JMY: variants seen among roughly 807,000 people sequenced by gnomAD.
JMY encodes the protein junction-mediating and -regulatory protein.
JMY carries 46 observed loss-of-function variants against 103.3 expected under a neutral mutation model. That is an observed-to-expected ratio of 0.45 (90% CI 0.35 to 0.57). The LOEUF (loss-of-function observed/expected upper bound fraction) is 0.57. JMY is among the 20% of genes least tolerant of loss of function. The probability of loss-of-function intolerance (pLI) is 0.00; values close to 1 mark genes in which losing one functional copy is unlikely to be tolerated. For missense variants in JMY, 1,238 were observed against 1,255.2 expected (o/e 0.99, Z 0.21); for synonymous variants, 526 against 489.3 (o/e 1.07, Z -0.99).
chr5:79,245,081 T>C (rs1394176619), intron 1 of JMY, among the ~76,000 whole-genome samples: 6 of 152,164 alleles, frequency 3.9e-5, no homozygotes, highest in Admixed American at 3.9e-4. Flanking sequence ...TAGTAGACTC[T>C]TTTTCAGACT....
At chr5:79,278,124 A>G (rs200547081) in intron 2 of JMY, 41 bp downstream of exon 2, 13 of 1,515,428 alleles carry the variant, frequency 8.6e-6, no homozygotes, top group Admixed American at 3.5e-5. Flanking sequence ...TGCCTGTTTC[A>G]TAGTTCTCAG....
Position 79,324,849 on chromosome 5 carries a change from C to T in JMY, c.*3247C>T, listed in dbSNP as rs1395655717. 1 of 152,622 alleles carries T rather than the reference C, an allele frequency of 6.6e-6. No homozygotes were observed. Among genetic ancestry groups the T allele is most frequent in the Non-Finnish European group, 1.5e-5 (1 of 68,026 alleles). 9.5% of individuals were successfully genotyped at this position (152,622 alleles called of 1,614,324 possible). On this transcript the variant is annotated 3_prime_UTR_variant, in exon 11 of 11. Transcript: ENST00000396137. ...GGGAATAGAAATGTAGAGCTTTTCTCATAACACAAAACCAGAAAATAATTT... is the reference window on the plus strand; with the variant it reads ...GGGAATAGAAATGTAGAGCTTTTCTTATAACACAAAACCAGAAAATAATTT...
intron 1 of JMY, among the ~76,000 whole-genome samples, chr5:79,238,286 G>C (rs1348751127): frequency 6.6e-6 from 1 of 152,056 alleles, no homozygotes; most frequent in Non-Finnish European, 1.5e-5. Context: ...TTTACAGATG[G>C]CTCAGGTTTC....
chr5:79,254,920 A>G (rs1745194677), intron 1 of JMY, among the ~76,000 whole-genome samples: 2 of 151,676 alleles, frequency 1.3e-5, no homozygotes, highest in Admixed American at 1.3e-4. Context: ...TTCTGTCATT[A>G]AAAGCCTCTG....
At chr5:79,240,225 A>C (rs573109581) in intron 1 of JMY, among the ~76,000 whole-genome samples, 5 of 152,096 alleles carry the variant, frequency 3.3e-5, no homozygotes, top group Admixed American at 6.5e-5. Context: ...CATGTTGGCC[A>C]AGCTGGTCTC....
At chr5:79,296,456 C>G (rs1051725616) in intron 4 of JMY, among the ~76,000 whole-genome samples, 1 of 152,194 alleles carries the variant, frequency 6.6e-6, no homozygotes, top group African/African-American at 2.4e-5. Flanking sequence ...CCCTTAACAT[C>G]ATTCACCTTA....
intron 1 of JMY, among the ~76,000 whole-genome samples, chr5:79,253,127 C>T (rs926383083): frequency 2.0e-5 from 3 of 152,098 alleles, no homozygotes; most frequent in Admixed American, 1.3e-4. Flanking sequence ...CAAATACTAT[C>T]TCATGACCCA....
intron 10 of JMY, among the ~76,000 whole-genome samples, chr5:79,318,759 TATAGAGAGAGAGAG>T (rs1476889824): frequency 9.2e-4 from 19 of 20,588 alleles, no homozygotes; most frequent in Middle Eastern, 0.019. Context: ...TATATATATA[TATAGAGAGAGAGAG>T]AGAGAGAGAG....
In JMY at chr5:79,258,309, TTG is replaced by T. The variant is rs746247150; in HGVS notation, c.1033-19599_1033-19598del. 1.1e-3 allele frequency among the ~76,000 whole-genome samples: 90 copies of T among 82,702 alleles called. 1 individual carries two copies. The highest frequency in any genetic ancestry group is 2.1e-3 in the Admixed American group (14 of 6,768). 54.3% of individuals were successfully genotyped at this position (82,702 alleles called of 152,430 possible). A position where few individuals can be genotyped will look rare whatever the true frequency, so the allele number is the denominator to read the frequency against. Reference sequence around the variant, plus strand: ...TCAGATATTAGGGCTTTTTTTGTTTTTGTTGTTTTTTTTTTTTTTTTGACAGG... The same window carrying T: ...TCAGATATTAGGGCTTTTTTTGTTTTTTGTTTTTTTTTTTTTTTTGACAGG... On this transcript the variant is annotated intron_variant, in intron 1 of 10. Transcript: ENST00000396137.
chr5:79,315,550 G>T (rs1403783623), intron 9 of JMY, among the ~76,000 whole-genome samples: 1 of 152,116 alleles, frequency 6.6e-6, no homozygotes, highest in Non-Finnish European at 1.5e-5. Context: ...ATTTCTTGAT[G>T]TAATCTGAGT....
intron 6 of JMY, among the ~76,000 whole-genome samples, chr5:79,303,449 A>G (rs1231991878): frequency 6.6e-6 from 1 of 152,096 alleles, no homozygotes; most frequent in Non-Finnish European, 1.5e-5. Flanking sequence ...GGATAGATAC[A>G]TAGTTTGAGG....
At chr5:79,309,167 A>G (rs1255763633) in intron 7 of JMY, among the ~76,000 whole-genome samples, 1 of 152,152 alleles carries the variant, frequency 6.6e-6, no homozygotes, top group Non-Finnish European at 1.5e-5. Flanking sequence ...TGCATTAGCT[A>G]GCACTTCAGT....
At position 79,237,782 on chromosome 5, in the gene JMY, G is replaced by C. The variant is rs1744572176; in HGVS notation, c.1032+100G>C. On this transcript the variant is annotated intron_variant, in intron 1 of 10. Transcript: ENST00000396137. ...CGGTGTCGGGTGTGCGCAGTAGGAC[G>C]GTTGTTTTTCTGGACAAGCGGAAAC... 6 of 1,093,864 alleles carry C rather than the reference G, an allele frequency of 5.5e-6. No individual in the cohort carries two copies. In the South Asian group the frequency reaches 1.0e-4, roughly 18 times the overall value. 67.8% of individuals were successfully genotyped at this position (1,093,864 alleles called of 1,614,324 possible).
Position 79,274,142 on chromosome 5 carries a change from C to T in JMY, c.1033-3768C>T, listed in dbSNP as rs1328642803. On this transcript the variant is annotated intron_variant, in intron 1 of 10. Transcript: ENST00000396137. ...CCACACCCAGCACTTTCTTTTTTTT[C>T]TATAAGATTGGATAATTTATCTTTA... Among the ~76,000 whole-genome samples the T allele has an allele frequency of 2.8e-5, 4 of 142,798 alleles. No homozygotes were observed. The East Asian group carries it at 6.1e-4, about 22-fold the overall frequency. The allele number at this position is 142,798 out of a possible 152,430, so 93.7% of individuals were successfully genotyped here. A position where few individuals can be genotyped will look rare whatever the true frequency, so the allele number is the denominator to read the frequency against.
At chr5:79,303,098 T>A (rs1199543006) in intron 6 of JMY, among the ~76,000 whole-genome samples, 1 of 152,208 alleles carries the variant, frequency 6.6e-6, no homozygotes, top group Non-Finnish European at 1.5e-5. Flanking sequence ...AGCTGAGTTT[T>A]AGACTTGCAT....
At chr5:79,247,111 A>G (rs1237058115) in intron 1 of JMY, among the ~76,000 whole-genome samples, 1 of 152,248 alleles carries the variant, frequency 6.6e-6, no homozygotes, top group African/African-American at 2.4e-5. Context: ...TCCCTGTAGA[A>G]AGAGAGTGAG....
At chr5:79,299,045 C>T (rs1228170864) in intron 4 of JMY, among the ~76,000 whole-genome samples, 2 of 152,184 alleles carry the variant, frequency 1.3e-5, no homozygotes, top group African/African-American at 4.8e-5. Context: ...TGATGTCTCA[C>T]ATGAGCTCGT....
chr5:79,270,709 T>C (rs1033699172), intron 1 of JMY, among the ~76,000 whole-genome samples: 3 of 147,068 alleles, frequency 2.0e-5, no homozygotes, highest in Non-Finnish European at 4.5e-5. Flanking sequence ...ATATTATATA[T>C]TTATTATTAT....
chr5:79,246,286 A>G (rs542320241), intron 1 of JMY, among the ~76,000 whole-genome samples: 1 of 152,278 alleles, frequency 6.6e-6, no homozygotes, highest in South Asian at 2.1e-4. Flanking sequence ...ATGAGTTTCT[A>G]TCCACACCTA....
Sources: gnomAD v4.1 joint callset for allele counts (sites outside exome capture counted in the v4.1 genomes callset) on GRCh38, gnomAD v4.1.1 for gene constraint, MANE v1.5 for transcripts, NCBI Gene and HGNC (gene_info 2026-07-23, HGNC 2026-07-21) for gene names.